The following PCDHAC1 variants were observed in gnomAD, a reference collection of about 807,000 sequenced individuals.
PCDHAC1 encodes the protein protocadherin alpha subfamily C, 1.
PCDHAC1 carries 42 observed loss-of-function variants against 60.0 expected under a neutral mutation model. The ratio of observed to expected loss-of-function variants is 0.70; its 90% CI spans 0.55 to 0.90. The LOEUF (loss-of-function observed/expected upper bound fraction) is 0.90, where lower values mean the gene tolerates loss of function less well. Among genes scored for constraint, PCDHAC1 ranks in the 40% least tolerant of loss-of-function variants. PCDHAC1 has a pLI of 0.00. For synonymous variants in PCDHAC1, 468 were observed against 499.3 expected (o/e 0.94, Z 0.84); for missense variants, 1,160 against 1,222.3 (o/e 0.95, Z 0.76).
At chr5:140,975,849 A>G (rs1157741908) in intron 1 of PCDHAC1, among the ~76,000 whole-genome samples, 1 of 152,208 alleles carries the variant, frequency 6.6e-6, no homozygotes, top group Non-Finnish European at 1.5e-5. Flanking sequence ...CAGTAATACT[A>G]CATCACCCAT....
intron 3 of PCDHAC1, among the ~76,000 whole-genome samples, chr5:141,000,542 C>T (rs1331109215): frequency 6.7e-6 from 1 of 148,268 alleles, no homozygotes; most frequent in Non-Finnish European, 1.5e-5. Context: ...ATTCTCATGC[C>T]TCAAACTCCC....
rs148091714 is a variant in PCDHAC1, at chr5:140,928,635, A to T, written c.1743A>T (p.Thr581=). 1.6e-4 allele frequency: 258 copies of T among 1,614,104 alleles called. No individual in the cohort carries two copies. The highest frequency in any genetic ancestry group is 2.1e-4 in the Non-Finnish European group (249 of 1,180,044). ...PRSARTGHLV[T]KVVAEDADSG... ...CTGCCAGGACTGGACACTTGGTCAC[A>T]AAAGTGGTAGCAGAGGATGCTGACA... Residue 581 remains threonine, a synonymous_variant, in exon 1 of 4, where the codon ACA becomes ACT. Transcript: ENST00000253807.
chr5:140,947,551 C>G (rs1203978810), intron 1 of PCDHAC1, among the ~76,000 whole-genome samples: 3 of 151,488 alleles, frequency 2.0e-5, no homozygotes, highest in Non-Finnish European at 4.4e-5. Context: ...AAGAATTCCG[C>G]TGGGATTTAT....
intron 1 of PCDHAC1, among the ~76,000 whole-genome samples, chr5:140,977,165 T>C (rs921089293): frequency 1.3e-5 from 2 of 152,156 alleles, no homozygotes; most frequent in Non-Finnish European, 2.9e-5. Context: ...TTCAGCAAAA[T>C]GAGTTTGATG....
rs149287754 is a variant in PCDHAC1, at chr5:140,962,549, G to T, written c.2434-16400G>T. Reference sequence around the variant, plus strand: ...GTTTTTTAGAACTAAAAATGTAGAGGATCTCCCCCTAAAAGCCAATTGTTA... The same window carrying T: ...GTTTTTTAGAACTAAAAATGTAGAGTATCTCCCCCTAAAAGCCAATTGTTA... On this transcript the variant is annotated intron_variant, in intron 1 of 3. Coordinates refer to ENST00000253807, the MANE Select transcript of PCDHAC1 (RefSeq NM_018898.5). 1.3e-3 allele frequency among the ~76,000 whole-genome samples: 202 copies of T among 152,208 alleles called. 3 individuals carry two copies. The highest frequency in any genetic ancestry group is 4.3e-4 in the Non-Finnish European group (29 of 68,014).
At chr5:140,984,174 G>A (rs557769828) in intron 3 of PCDHAC1, among the ~76,000 whole-genome samples, 25 of 152,318 alleles carry the variant, frequency 1.6e-4, no homozygotes, top group African/African-American at 5.8e-4. Flanking sequence ...AAGAAGCCAC[G>A]TGAAATCATG....
intron 1 of PCDHAC1, chr5:140,969,181 T>C (rs1554231546): frequency 1.2e-6 from 2 of 1,613,978 alleles, no homozygotes; most frequent in Non-Finnish European, 8.5e-7. Flanking sequence ...GGAGTGACAC[T>C]TTCATGTTTT....
At chr5:141,000,413 ATATATATATTT>A (rs1563651437) in intron 3 of PCDHAC1, among the ~76,000 whole-genome samples, 3 of 93,258 alleles carry the variant, frequency 3.2e-5, no homozygotes, top group African/African-American at 1.4e-4. Flanking sequence ...ATATATATAT[ATATATATATTT>A]TTTTTTTTTT....
chr5:140,941,748 T>G (rs2093156951), intron 1 of PCDHAC1, among the ~76,000 whole-genome samples: 1 of 152,210 alleles, frequency 6.6e-6, no homozygotes, highest in South Asian at 2.1e-4. Flanking sequence ...CTTATCAGAT[T>G]TTCAGTGCTT....
chr5:141,009,701 C>G lies in PCDHAC1; in HGVS notation c.2656C>G (p.Pro886Ala). The G allele has an allele frequency of 6.2e-7, 1 of 1,614,036 alleles. No homozygotes were observed. Among genetic ancestry groups the G allele is most frequent in the South Asian group, 1.1e-5 (1 of 91,056 alleles). The change falls in exon 4 of 4, where the codon CCA (proline) becomes GCA (alanine). Residue 886 changes from proline to alanine, a missense_variant. Coordinates refer to ENST00000253807, the MANE Select transcript of PCDHAC1 (RefSeq NM_018898.5). ...NSNSWTFKYG[P>A]GNPKQSGPGE... ...CAACAGCTGGACCTTTAAATACGGA[C>G]CAGGCAACCCCAAACAATCCGGTCC...
Position 140,965,675 on chromosome 5 carries a change from A to C in PCDHAC1, c.2434-13274A>C, listed in dbSNP as rs1049081993. 1.3e-4 allele frequency among the ~76,000 whole-genome samples: 20 copies of C among 152,350 alleles called. No homozygotes were observed. The Middle Eastern group carries it at 0.01, about 78-fold the overall frequency. ...AAATGTCTTGGGTGATAAATGTAAA[A>C]GATTTGAAGCAAGATTAGAAAAAGC... On this transcript the variant is annotated intron_variant, in intron 1 of 3. Transcript: ENST00000253807.
intron 1 of PCDHAC1, 167 bp from the exon 2 acceptor site, chr5:140,978,782 A>T (rs782295456): frequency 3.1e-5 from 30 of 971,664 alleles, no homozygotes; most frequent in Non-Finnish European, 3.7e-5. Context: ...TTTTCTTCTA[A>T]AGTGCTATAT....
Position 140,947,771 on chromosome 5 carries a change from T to C in PCDHAC1, c.2433+18446T>C, listed in dbSNP as rs1167163964. ...TATTTTATGGTTTAAAAAATTCTAT[T>C]GTAAATGGATTTTAAACAGACTTTT... On this transcript the variant is annotated intron_variant, in intron 1 of 3. Transcript: ENST00000253807. 2.6e-5 allele frequency among the ~76,000 whole-genome samples: 4 copies of C among 151,706 alleles called. No individual in the cohort carries two copies. The East Asian group carries it at 5.8e-4, about 22-fold the overall frequency.
intron 3 of PCDHAC1, among the ~76,000 whole-genome samples, chr5:141,005,814 A>T (rs947359019): frequency 6.7e-6 from 1 of 149,766 alleles, no homozygotes; most frequent in Non-Finnish European, 1.5e-5. Flanking sequence ...GGAGCCAGGT[A>T]TGGTGGCCTG....
chr5:140,951,507 C>T (rs2094591964), intron 1 of PCDHAC1, among the ~76,000 whole-genome samples: 1 of 151,952 alleles, frequency 6.6e-6, no homozygotes, highest in Admixed American at 6.6e-5. Context: ...AAAAGGAAAG[C>T]GGCTCATCTT....
chr5:140,960,402 G>C (rs2095546836), intron 1 of PCDHAC1, among the ~76,000 whole-genome samples: 1 of 152,026 alleles, frequency 6.6e-6, no homozygotes, highest in African/African-American at 2.4e-5. Flanking sequence ...GCAAGGGGGG[G>C]TGCCCAAAAA....
At chr5:141,009,107 G>A (rs1329490009) in intron 3 of PCDHAC1, among the ~76,000 whole-genome samples, 6 of 152,180 alleles carry the variant, frequency 3.9e-5, no homozygotes, top group African/African-American at 1.4e-4. Flanking sequence ...ATGTTACTAT[G>A]AAACTAGATT....
chr5:140,955,839 A>G (rs527318905), intron 1 of PCDHAC1, among the ~76,000 whole-genome samples: 8 of 152,162 alleles, frequency 5.3e-5, no homozygotes, highest in African/African-American at 1.9e-4. Flanking sequence ...GTGGTTTGTC[A>G]TTCTCCTTGA....
chr5:140,960,727 CA>C (rs2095565377), intron 1 of PCDHAC1, among the ~76,000 whole-genome samples: 3 of 30,176 alleles, frequency 9.9e-5, no homozygotes, highest in Non-Finnish European at 1.9e-4. Context: ...TATTTTAGTC[CA>C]TGATTTTAGT....
Sources: gnomAD v4.1 joint callset for allele counts (sites outside exome capture counted in the v4.1 genomes callset) on GRCh38, gnomAD v4.1.1 for gene constraint, MANE v1.5 for transcripts, NCBI Gene and HGNC (gene_info 2026-07-23, HGNC 2026-07-21) for gene names.